Variants in C3 observed in about 807,000 individuals in gnomAD.
C3 encodes the protein C3 and PZP-like alpha-2-macroglobulin domain-containing protein 1.
C3 carries 97 observed loss-of-function variants against 207.9 expected under a neutral mutation model. That is an observed-to-expected ratio of 0.47 (90% CI 0.40 to 0.55). The LOEUF is 0.55. Ranked by LOEUF, C3 falls within the 20% of genes least tolerant of loss-of-function variation. The pLI is 0.00. For missense variants in C3, 1,684 were observed against 2,171.7 expected (o/e 0.78, Z 4.46); for synonymous variants, 848 against 857.6 (o/e 0.99, Z 0.20).
chr19:6,687,137 A>C lies in C3; in HGVS notation c.3490-235T>G, dbSNP rs344544. ...ACGTACCCCGTGGTGTGCTGGTAAA[A>C]GTTTAACAGCCAGCTCTCCAGTGGG... On this transcript the variant is annotated intron_variant, in intron 27 of 40. Coordinates refer to ENST00000245907, the MANE Select transcript of C3 (RefSeq NM_000064.4). Among the ~76,000 whole-genome samples, 133,586 of 152,002 alleles carry C rather than the reference A, an allele frequency of 0.88. 58,768 individuals are homozygous for C. The highest frequency in any genetic ancestry group is 0.99 in the East Asian group (5,123 of 5,170).
rs200530086 is a variant in C3 at position 6,711,041 on chromosome 19, G to A, written c.1425C>T (p.Phe475=). 5.0e-6 allele frequency: 8 copies of A among 1,614,188 alleles called. No individual in the cohort carries two copies. The highest frequency in any genetic ancestry group is 4.0e-5 in the African/African-American group (3 of 75,030). The change falls in exon 12 of 41, where the codon TTC becomes TTT. Residue 475 remains phenylalanine, a synonymous_variant. Transcript: ENST00000245907. The part of the protein sequence containing the change: ...LRPGETLNVN[F]LLRMDRAHEA... ...CGTGGGCGCGGTCCATTCGCAGGAG[G>A]AAGTTGACGTTGAGGGTCTCCCCGG... is the stretch of plus-strand genomic sequence containing the variant.
chr19:6,719,607 T>C lies in C3; in HGVS notation c.75-204A>G, dbSNP rs1193107376. Reference sequence around the variant, plus strand: ...CACATGGGCAGGACAGCAGCCACCATGACTCCCACTCTCAGCCAGCTGGGC... The same window carrying C: ...CACATGGGCAGGACAGCAGCCACCACGACTCCCACTCTCAGCCAGCTGGGC... On this transcript the variant is annotated intron_variant, in intron 1 of 40. Coordinates refer to ENST00000245907, the MANE Select transcript of C3 (RefSeq NM_000064.4). The surrounding 1 kb of genome is among the most constrained non-coding windows in gnomAD (Gnocchi z 5.4). Among the ~76,000 whole-genome samples, 1 of 152,110 alleles carries C rather than the reference T, an allele frequency of 6.6e-6. No homozygotes were observed. The highest frequency in any genetic ancestry group is 1.5e-5 in the Non-Finnish European group (1 of 67,992).
Position 6,686,116 on chromosome 19 carries a change from C to T in C3, c.3810+8G>A, listed in dbSNP as rs1328545254. 1 of 1,613,880 alleles carries T rather than the reference C, an allele frequency of 6.2e-7. No homozygotes were observed. The highest frequency in any genetic ancestry group is 1.1e-5 in the South Asian group (1 of 91,062). ...ATGCATGTGCCTAGGGGCTGTGGGCCCACTTGCCTGGGTAGAGCCATAGCC... is the reference window on the plus strand; with the variant it reads ...ATGCATGTGCCTAGGGGCTGTGGGCTCACTTGCCTGGGTAGAGCCATAGCC... On this transcript the variant is annotated splice_region_variant and intron_variant, in intron 29 of 40. Transcript: ENST00000245907.
At chr19:6,717,924 G>A (rs1968076229) in intron 4 of C3, 170 bp downstream of exon 4, 1 of 732,606 alleles carries the variant, frequency 1.4e-6, no homozygotes, top group African/African-American at 1.7e-5. Context: ...GTGTGTGCAT[G>A]TTGTGTGCTG....
chr19:6,714,873 C>A (rs915650564), intron 4 of C3, among the ~76,000 whole-genome samples: 4 of 151,956 alleles, frequency 2.6e-5, no homozygotes, highest in Admixed American at 2.6e-4. Context: ...AAAAAAAGAA[C>A]AAGGACCGGA....
At chr19:6,706,623 C>T (rs115976392) in intron 17 of C3, among the ~76,000 whole-genome samples, 5,983 of 150,098 alleles carry the variant, frequency 0.04, 401 homozygotes, top group African/African-American at 0.14. Context: ...TCTCAGACAG[C>T]GGCATCCTCC....
chr19:6,688,296 G>T (rs2145400483), intron 27 of C3, among the ~76,000 whole-genome samples: 1 of 151,842 alleles, frequency 6.6e-6, no homozygotes, highest in African/African-American at 2.4e-5. Flanking sequence ...ACCATGCCCG[G>T]CTAATTTTTG....
intron 11 of C3, among the ~76,000 whole-genome samples, chr19:6,711,640 G>A (rs1338497836): frequency 1.3e-5 from 2 of 152,180 alleles, no homozygotes; most frequent in Non-Finnish European, 2.9e-5. Flanking sequence ...GGTAGCCACC[G>A]GAAATTCACG....
rs962454034 is a variant in C3 at position 6,697,265 on chromosome 19, T to C, written c.2796+79A>G. ...GATTCTTAGTGTCTCAGAGCCTGGA[T>C]CTCCAACCTGAGTCAATAGTACGAA... On this transcript the variant is annotated intron_variant, in intron 21 of 40. Transcript: ENST00000245907. 1.1e-5 allele frequency: 12 copies of C among 1,070,802 alleles called. No homozygotes were observed. The African/African-American group carries it at 1.7e-4, about 15-fold the overall frequency. 66.3% of individuals were successfully genotyped at this position (1,070,802 alleles called of 1,614,324 possible).
Position 6,707,893 on chromosome 19 carries a change from T to C in C3, c.1882A>G (p.Thr628Ala). The change falls in exon 15 of 41, where the codon ACC becomes GCC. Residue 628 changes from threonine (T) to alanine (A), a missense_variant. Thr to Ala is a moderately conservative substitution (Grantham distance 58). This residue lies in a region of C3 where 1,280 missense variants were observed against 1,739.1 expected (regional missense o/e 0.74). Transcript: ENST00000245907. ...GCGTAATCCTTCCCACTGCCCGGGG[T>C]GCAGCCGATGTCTGCCTTCTCCACC... ...DVVEKADIGC[T>A]PGSGKDYAGV... The C allele has an allele frequency of 6.2e-7, 1 of 1,613,902 alleles. No homozygotes were observed. Among genetic ancestry groups the C allele is most frequent in the Non-Finnish European group, 8.5e-7 (1 of 1,179,996 alleles).
At chr19:6,705,770 G>A (rs1009979674) in intron 17 of C3, among the ~76,000 whole-genome samples, 1 of 152,000 alleles carries the variant, frequency 6.6e-6, no homozygotes, top group Non-Finnish European at 1.5e-5. Flanking sequence ...AACCTACCAG[G>A]TTCAAGCGAT....
chr19:6,689,320 T>TACCTACCTACCTAC (rs143516796), intron 27 of C3, among the ~76,000 whole-genome samples: 1 of 72,344 alleles, frequency 1.4e-5, no homozygotes, highest in African/African-American at 6.4e-5. Flanking sequence ...TCTCTCTCTC[T>TACCTACCTACCTAC]CTACCTACCT....
chr19:6,709,801 T>A lies in C3; in HGVS notation c.1728A>T (p.Val576=). Residue 576 remains valine, a synonymous_variant, in exon 14 of 41, where the codon GTA becomes GTT. Coordinates refer to ENST00000245907, the MANE Select transcript of C3 (RefSeq NM_000064.4). ...TCTTCAGGGTCATCTGCTGCCCAGG[T>A]ACAGGCTGCCGGTCTTCTGACTGGC... ...KSGQSEDRQP[V]PGQQMTLKIE... 1 of 1,613,948 alleles carries A rather than the reference T, an allele frequency of 6.2e-7. No homozygotes were observed.
At chr19:6,718,047 C>T (rs1239199019) in intron 4 of C3, 47 bp downstream of exon 4, 9 of 1,568,618 alleles carry the variant, frequency 5.7e-6, no homozygotes, top group East Asian at 2.2e-5. Flanking sequence ...CTTTGCCTCT[C>T]CTAAGCCTGT....
At chr19:6,708,096 T>TC (rs1599519864) in intron 14 of C3, among the ~76,000 whole-genome samples, 167 bp from the exon 15 acceptor site, 4 of 150,314 alleles carry the variant, frequency 2.7e-5, no homozygotes, top group East Asian at 4.0e-4. Flanking sequence ...CCTTCCTTCC[T>TC]TCTCTCTCCT....
chr19:6,715,711 T>A (rs1005081144), intron 4 of C3, among the ~76,000 whole-genome samples: 4 of 147,666 alleles, frequency 2.7e-5, no homozygotes, highest in Non-Finnish European at 6.0e-5. Flanking sequence ...AGGCTCCGCC[T>A]CCCGGGTTCA....
rs774581541 is a variant in C3 at position 6,709,862 on chromosome 19, G to GC, written c.1687-21dup. 6.2e-7 allele frequency: 1 copy of GC among 1,611,446 alleles called. No homozygotes were observed. ...CACCAGCTGTGGGGAGGGTGGAGAC[G>GC]CCGAAAGAAGTCAGCCCTGGGAGAG... On this transcript the variant is annotated intron_variant, in intron 13 of 40. Transcript: ENST00000245907.
At chr19:6,715,202 C>T (rs915704388) in intron 4 of C3, among the ~76,000 whole-genome samples, 1 of 152,102 alleles carries the variant, frequency 6.6e-6, no homozygotes, top group Admixed American at 6.5e-5. Context: ...AGGGCGAGCG[C>T]AATGGCTCAA....
chr19:6,711,460 G>A (rs1156447738), intron 11 of C3, among the ~76,000 whole-genome samples: 1 of 152,146 alleles, frequency 6.6e-6, no homozygotes, highest in Non-Finnish European at 1.5e-5. Flanking sequence ...CTATGCTGCT[G>A]CCTTTAAAGG....
Sources: gnomAD v4.1 joint callset for allele counts (sites outside exome capture counted in the v4.1 genomes callset) on GRCh38, gnomAD v4.1.1 for gene constraint, gnomAD v4.1.1 regional missense constraint, Gnocchi (gnomAD v3.1) non-coding constraint, MANE v1.5 for transcripts, NCBI Gene and HGNC (gene_info 2026-07-23, HGNC 2026-07-21) for gene names.